The following CTIF variants were observed in gnomAD, a reference collection of about 807,000 sequenced individuals.
CTIF encodes the protein cap binding complex dependent translation initiation factor.
CTIF carries 21 observed loss-of-function variants against 66.0 expected under a neutral mutation model. The ratio of observed to expected loss-of-function variants is 0.32; its 90% CI spans 0.23 to 0.46. The LOEUF (loss-of-function observed/expected upper bound fraction) is 0.46. Ranked by LOEUF, CTIF falls within the 20% of genes least tolerant of loss-of-function variation. CTIF has a pLI of 1.00. For synonymous variants in CTIF, 345 were observed against 326.4 expected, an observed-to-expected ratio of 1.06 and a Z score of -0.62; for missense variants, 739 against 812.7, an observed-to-expected ratio of 0.91 and a Z score of 1.10.
chr18:48,707,835 A>G (rs1271377611), intron 6 of CTIF, among the ~76,000 whole-genome samples: 1 of 152,194 alleles, frequency 6.6e-6, no homozygotes, highest in Non-Finnish European at 1.5e-5. Context: ...TGTTATCACC[A>G]CAGAAGGAAC....
At position 48,860,289 on chromosome 18, in the gene CTIF, T is replaced by C. The variant is rs1474110128; in HGVS notation, c.*730T>C. 3.4e-6 allele frequency: 1 copy of C among 297,072 alleles called. No homozygotes were observed. Among genetic ancestry groups the C allele is most frequent in the Non-Finnish European group, 6.7e-6 (1 of 150,046 alleles). 18.4% of individuals were successfully genotyped at this position (297,072 alleles called of 1,614,324 possible). ...TTTTCAAAAGTCGGTTGCTTTGAAG[T>C]CTCTTTGGCCAATGAAAATGCCCGT... On this transcript the variant is annotated 3_prime_UTR_variant, in exon 12 of 12. Transcript: ENST00000256413.
chr18:48,832,737 C>G (rs1177277760), intron 10 of CTIF, among the ~76,000 whole-genome samples: 1 of 152,256 alleles, frequency 6.6e-6, no homozygotes, highest in Non-Finnish European at 1.5e-5. Flanking sequence ...TTTGCTGAAT[C>G]TGGTTTCCCA....
chr18:48,576,547 CA>C (rs1186854552), intron 1 of CTIF, among the ~76,000 whole-genome samples: 3 of 152,222 alleles, frequency 2.0e-5, no homozygotes, highest in Admixed American at 1.3e-4. Context: ...ACACAAACAG[CA>C]GAAATAAGCC....
At chr18:48,692,097 G>A (rs2091935068) in intron 6 of CTIF, among the ~76,000 whole-genome samples, 1 of 152,164 alleles carries the variant, frequency 6.6e-6, no homozygotes, top group South Asian at 2.1e-4. Context: ...GGCCAGGTTG[G>A]TCTCAAACTC....
chr18:48,587,051 G>T (rs1481827036), intron 1 of CTIF, among the ~76,000 whole-genome samples: 1 of 148,326 alleles, frequency 6.7e-6, no homozygotes, highest in African/African-American at 2.5e-5. Context: ...CTCTAGTGTT[G>T]TAAAAAGTGA....
At chr18:48,578,384 C>A (rs974719862) in intron 1 of CTIF, among the ~76,000 whole-genome samples, 135 of 152,158 alleles carry the variant, frequency 8.9e-4, no homozygotes, top group African/African-American at 2.9e-3. Flanking sequence ...CTATATTAAC[C>A]TTTTGAAGAA....
At chr18:48,553,068 C>G (rs2088924409) in intron 1 of CTIF, among the ~76,000 whole-genome samples, 1 of 152,208 alleles carries the variant, frequency 6.6e-6, no homozygotes, top group South Asian at 2.1e-4. Flanking sequence ...CCTGAGGGAA[C>G]AGTTGCACAT....
chr18:48,747,387 G>A (rs1195355523), intron 7 of CTIF, among the ~76,000 whole-genome samples: 2 of 152,226 alleles, frequency 1.3e-5, no homozygotes, highest in East Asian at 3.8e-4. Flanking sequence ...CTTGCATGGA[G>A]GGCCTGTAGC....
chr18:48,714,343 A>G (rs1431420031), intron 7 of CTIF, among the ~76,000 whole-genome samples: 1 of 152,208 alleles, frequency 6.6e-6, no homozygotes, highest in Admixed American at 6.5e-5. Context: ...TTGGTGGACA[A>G]AGGGCACAGC....
rs1199206211 is a variant in CTIF at position 48,860,273 on chromosome 18, G to A, written c.*714G>A. 21 of 301,908 alleles carry A rather than the reference G, an allele frequency of 7.0e-5. No individual in the cohort carries two copies. The highest frequency in any genetic ancestry group is 6.0e-4 in the South Asian group (19 of 31,662). 18.7% of individuals were successfully genotyped at this position (301,908 alleles called of 1,614,324 possible). On this transcript the variant is annotated 3_prime_UTR_variant, in exon 12 of 12. Coordinates refer to ENST00000256413, the MANE Select transcript of CTIF (RefSeq NM_014772.3). ...GTTTATTGTGTTTTATTTTTCAAAA[G>A]TCGGTTGCTTTGAAGTCTCTTTGGC...
chr18:48,831,435 G>A (rs2068688665), intron 10 of CTIF, among the ~76,000 whole-genome samples: 1 of 152,234 alleles, frequency 6.6e-6, no homozygotes, highest in Admixed American at 6.5e-5. Context: ...GGATTGTTGT[G>A]GGGGCCTGGG....
At chr18:48,688,552 C>T (rs571844108) in intron 6 of CTIF, 1 of 152,314 alleles carries the variant, frequency 6.6e-6, no homozygotes, top group South Asian at 2.1e-4. Context: ...TTGAAAAGCA[C>T]CTAGTCACCA....
intron 10 of CTIF, among the ~76,000 whole-genome samples, chr18:48,831,477 G>A (rs1006247076): frequency 2.0e-5 from 3 of 152,258 alleles, no homozygotes; most frequent in Admixed American, 2.0e-4. Flanking sequence ...GCGCTCAGCA[G>A]GGCCCTCCTC....
chr18:48,774,667 G>A (rs1173686019), intron 9 of CTIF, among the ~76,000 whole-genome samples: 1 of 152,138 alleles, frequency 6.6e-6, no homozygotes, highest in Non-Finnish European at 1.5e-5. Flanking sequence ...GTGTATTCCA[G>A]AGAAGTCTGT....
At chr18:48,686,141 TAA>T (rs1328897149) in intron 6 of CTIF, among the ~76,000 whole-genome samples, 4 of 152,246 alleles carry the variant, frequency 2.6e-5, no homozygotes, top group African/African-American at 9.6e-5. Context: ...ATAGTGGTTT[TAA>T]AAAATTCCAT....
At chr18:48,741,056 G>T (rs1447217488) in intron 7 of CTIF, among the ~76,000 whole-genome samples, 1 of 152,210 alleles carries the variant, frequency 6.6e-6, no homozygotes, top group Non-Finnish European at 1.5e-5. Flanking sequence ...TTGTGGTGAT[G>T]ATTGAATAAG....
chr18:48,684,923 A>G (rs2091810291), intron 6 of CTIF, among the ~76,000 whole-genome samples: 1 of 152,202 alleles, frequency 6.6e-6, no homozygotes, highest in African/African-American at 2.4e-5. Flanking sequence ...GGAAATTAGC[A>G]TTGACAGAAT....
Position 48,546,472 on chromosome 18 carries a change from G to GA in CTIF, c.-29+7164dup, listed in dbSNP as rs2088752995. Among the ~76,000 whole-genome samples, 5 of 152,240 alleles carry GA rather than the reference G, an allele frequency of 3.3e-5. No homozygotes were observed. The South Asian group carries it at 1.0e-3, about 32-fold the overall frequency. On this transcript the variant is annotated intron_variant, in intron 1 of 11. Transcript: ENST00000256413. ...AGTACCACAGTGGAGTAAAAATCTT[G>GA]AAAACCTTCCAATGACAGAGCACCT...
In CTIF at chr18:48,703,600, C is replaced by T. The variant is rs557382926; in HGVS notation, c.508-8019C>T. On this transcript the variant is annotated intron_variant, in intron 6 of 11. Coordinates refer to ENST00000256413, the MANE Select transcript of CTIF (RefSeq NM_014772.3). Reference sequence around the variant, plus strand: ...GGATGATTTCTATCAGACCTAGGTTCGTGGTCAGGGGTCAGAGGTCAAAGA... The same window carrying T: ...GGATGATTTCTATCAGACCTAGGTTTGTGGTCAGGGGTCAGAGGTCAAAGA... Among the ~76,000 whole-genome samples, 7 of 152,298 alleles carry T rather than the reference C, an allele frequency of 4.6e-5. No individual in the cohort carries two copies. In the South Asian group the frequency reaches 6.2e-4, roughly 14 times the overall value.
Sources: gnomAD v4.1 joint callset for allele counts (sites outside exome capture counted in the v4.1 genomes callset) on GRCh38, gnomAD v4.1.1 for gene constraint, MANE v1.5 for transcripts, NCBI Gene and HGNC (gene_info 2026-07-23, HGNC 2026-07-21) for gene names.